Variants in GFPT2 observed in about 807,000 individuals in gnomAD.
The protein encoded by GFPT2 is glutamine--fructose-6-phosphate aminotransferase [isomerizing] 2.
GFPT2 carries 62 observed loss-of-function variants against 85.6 expected under a neutral mutation model. The ratio of observed to expected loss-of-function variants is 0.72; its 90% CI spans 0.59 to 0.90. The LOEUF (loss-of-function observed/expected upper bound fraction) is 0.90. Ranked by LOEUF, GFPT2 falls within the 40% of genes least tolerant of loss-of-function variation. GFPT2 has a pLI of 0.00. For synonymous variants in GFPT2, 368 were observed against 344.5 expected, an observed-to-expected ratio of 1.07 and a Z score of -0.75; for missense variants, 788 against 893.4, an observed-to-expected ratio of 0.88 and a Z score of 1.50.
At position 180,318,885 on chromosome 5, in the gene GFPT2, T is replaced by C; in HGVS notation, c.866A>G (p.Lys289Arg). Residue 289 changes from lysine (K) to arginine (R), a missense_variant, in exon 10 of 19, where the codon AAA (lysine) becomes AGA (arginine). Coordinates refer to ENST00000253778, the MANE Select transcript of GFPT2 (RefSeq NM_005110.4). This position sits in a 1 kb window ranked among gnomAD's most constrained non-coding sequence, Gnocchi z 4.2. ...GCGCTTGACCCGGTGAATGGAGAGT[T>C]TCCCATCAGCCACTGCGGCGATGTC... ...DDDIAAVADG[K>R]LSIHRVKRSA... The C allele has an allele frequency of 6.2e-7, 1 of 1,613,942 alleles. No individual in the cohort carries two copies. Among genetic ancestry groups the C allele is most frequent in the South Asian group, 1.1e-5 (1 of 91,076 alleles).
chr5:180,352,409 C>G (rs1352329361), intron 1 of GFPT2: 3 of 455,248 alleles, frequency 6.6e-6, no homozygotes, highest in African/African-American at 6.0e-5. Context: ...CTCTCCCGGC[C>G]AGCGGAGGCG....
Position 180,318,657 on chromosome 5 carries a change from TA to T in GFPT2, c.958+135del, listed in dbSNP as rs1764059034. Reference sequence around the variant, plus strand: ...CCCCTCACCTGTGCAAGCCACAGGCTACCTGCAGCCCCGCCCTGGTGGCCAC... The same window carrying T: ...CCCCTCACCTGTGCAAGCCACAGGCTCCTGCAGCCCCGCCCTGGTGGCCAC... On this transcript the variant is annotated intron_variant, in intron 10 of 18. Coordinates refer to ENST00000253778, the MANE Select transcript of GFPT2 (RefSeq NM_005110.4). The surrounding 1 kb of genome is among the most constrained non-coding windows in gnomAD (Gnocchi z 4.2). 9.7e-5 allele frequency: 70 copies of T among 724,486 alleles called. No individual in the cohort carries two copies. The South Asian group carries it at 1.2e-3, about 13-fold the overall frequency. 44.9% of individuals were successfully genotyped at this position (724,486 alleles called of 1,614,324 possible).
chr5:180,313,463 G>A lies in GFPT2; in HGVS notation c.1431+344C>T, dbSNP rs1329099962. Among the ~76,000 whole-genome samples, 11 of 141,234 alleles carry A rather than the reference G, an allele frequency of 7.8e-5. 1 individual carries two copies. The Middle Eastern group carries it at 0.011, about 145-fold the overall frequency. 92.7% of individuals were successfully genotyped at this position (141,234 alleles called of 152,430 possible). ...AAAATGAGCCGGGTGTGGGGCGGGT[G>A]CCTGTAGTCCCAGCTACTCGGGAGG... is the stretch of plus-strand genomic sequence containing the variant. On this transcript the variant is annotated intron_variant, in intron 14 of 18. Coordinates refer to ENST00000253778, the MANE Select transcript of GFPT2 (RefSeq NM_005110.4).
At chr5:180,336,439 C>A in intron 3 of GFPT2, 40 bp downstream of exon 3, 1 of 1,070,918 alleles carries the variant, frequency 9.3e-7, no homozygotes, top group Admixed American at 1.8e-5. Flanking sequence ...AAGCGGCCGG[C>A]GCTGCAGCGG....
In GFPT2 at chr5:180,339,929, G is replaced by A. The variant is rs530069402; in HGVS notation, c.8-1329C>T. On this transcript the variant is annotated intron_variant, in intron 1 of 18. Transcript: ENST00000253778. ...TCTGTATCCCTGGAGGGAGGCAATA[G>A]TATGGGTCATAGAAATGTCACTGGG... Among the ~76,000 whole-genome samples, 13 of 152,372 alleles carry A rather than the reference G, an allele frequency of 8.5e-5. 1 individual carries two copies. The South Asian group carries it at 2.7e-3, about 32-fold the overall frequency.
intron 1 of GFPT2, among the ~76,000 whole-genome samples, chr5:180,342,664 G>A (rs1446528153): frequency 6.6e-6 from 1 of 152,164 alleles, no homozygotes. Context: ...CGCTTTGGGA[G>A]GCCAAGCTGG....
At chr5:180,321,797 G>T (rs916606902) in intron 9 of GFPT2, among the ~76,000 whole-genome samples, 1 of 151,390 alleles carries the variant, frequency 6.6e-6, no homozygotes, top group Admixed American at 6.6e-5. Flanking sequence ...GTTTTGTTTT[G>T]TTTTGAGACG....
intron 4 of GFPT2, among the ~76,000 whole-genome samples, chr5:180,334,133 T>A (rs892722950): frequency 2.0e-5 from 3 of 152,218 alleles, no homozygotes; most frequent in African/African-American, 7.2e-5. Context: ...AAATGCCCTA[T>A]GGTTCAGGGC....
In GFPT2 at chr5:180,328,223, A is replaced by G. The variant is rs1429719839; in HGVS notation, c.596+54T>C. 3.8e-6 allele frequency: 5 copies of G among 1,316,386 alleles called. No individual in the cohort carries two copies. Among genetic ancestry groups the G allele is most frequent in the Non-Finnish European group, 5.5e-6 (5 of 908,336 alleles). The allele number at this position is 1,316,386 out of a possible 1,614,324, so 81.5% of individuals were successfully genotyped here. ...TACCTCTCCCGTCTCCCTCCAGCTA[A>G]GTGATTTTATTTTCGTTCTTTCTTA... is the stretch of plus-strand genomic sequence containing the variant. On this transcript the variant is annotated intron_variant, in intron 7 of 18. Transcript: ENST00000253778. The surrounding 1 kb of genome is among the most constrained non-coding windows in gnomAD (Gnocchi z 5.4).
chr5:180,326,136 C>T (rs1380072273), intron 7 of GFPT2, among the ~76,000 whole-genome samples: 1 of 152,194 alleles, frequency 6.6e-6, no homozygotes, highest in African/African-American at 2.4e-5. Flanking sequence ...CAAATAAAAT[C>T]TACCATAGGT....
intron 4 of GFPT2, among the ~76,000 whole-genome samples, chr5:180,335,288 C>T (rs896930677): frequency 2.0e-5 from 3 of 152,236 alleles, no homozygotes; most frequent in African/African-American, 7.2e-5. Flanking sequence ...GGGCTGCGGC[C>T]CCTACTTCTC....
chr5:180,312,858 C>T (rs537704872), intron 14 of GFPT2, among the ~76,000 whole-genome samples: 3 of 152,152 alleles, frequency 2.0e-5, no homozygotes, highest in Non-Finnish European at 4.4e-5. Context: ...CTCACTGCAA[C>T]CTCCACCTAC....
chr5:180,346,519 CCT>C (rs1462579234), intron 1 of GFPT2, among the ~76,000 whole-genome samples: 4 of 152,322 alleles, frequency 2.6e-5, no homozygotes, highest in Admixed American at 1.3e-4. Flanking sequence ...CAGCTACATC[CCT>C]CTCTCGTCTT....
chr5:180,348,200 T>C (rs1764647303), intron 1 of GFPT2, among the ~76,000 whole-genome samples: 1 of 152,226 alleles, frequency 6.6e-6, no homozygotes, highest in Non-Finnish European at 1.5e-5. Context: ...CTGGATTACT[T>C]CCTGCCTCAA....
chr5:180,328,241 C>T lies in GFPT2; in HGVS notation c.596+36G>A. 1 of 1,519,488 alleles carries T rather than the reference C, an allele frequency of 6.6e-7. No homozygotes were observed. The highest frequency in any genetic ancestry group is 1.1e-5 in the South Asian group (1 of 89,162). The allele number at this position is 1,519,488 out of a possible 1,614,324, so 94.1% of individuals were successfully genotyped here. ...CCAGCTAAGTGATTTTATTTTCGTT[C>T]TTTCTTATGGGAAATGCCAGTGTGT... On this transcript the variant is annotated intron_variant, in intron 7 of 18. Coordinates refer to ENST00000253778, the MANE Select transcript of GFPT2 (RefSeq NM_005110.4). This position sits in a 1 kb window ranked among gnomAD's most constrained non-coding sequence, Gnocchi z 5.4.
At chr5:180,348,035 T>A (rs1007752880) in intron 1 of GFPT2, among the ~76,000 whole-genome samples, 1 of 152,036 alleles carries the variant, frequency 6.6e-6, no homozygotes, top group African/African-American at 2.4e-5. Flanking sequence ...ACAGGACAGG[T>A]TGGCTCTGGA....
chr5:180,328,290 C>T lies in GFPT2; in HGVS notation c.583G>A (p.Ala195Thr), dbSNP rs1454304296. The change falls in exon 7 of 19, where the codon GCC becomes ACC. Residue 195 changes from alanine (A) to threonine (T), a missense_variant. Transcript: ENST00000253778. The surrounding 1 kb of genome is among the most constrained non-coding windows in gnomAD (Gnocchi z 5.4). ...VFKSVHYPGE[A>T]VATRRGSPLL... ...GTTTTGCCTCACCGTGTGGCAACGG[C>T]TTCTCCTGGGTAGTGGACACTCTTG... The T allele has an allele frequency of 6.2e-7, 1 of 1,612,266 alleles. No individual in the cohort carries two copies. Among genetic ancestry groups the T allele is most frequent in the East Asian group, 2.2e-5 (1 of 44,862 alleles).
intron 15 of GFPT2, among the ~76,000 whole-genome samples, chr5:180,310,233 G>C (rs957652200): frequency 5.9e-5 from 9 of 151,712 alleles, no homozygotes; most frequent in African/African-American, 2.2e-4. Flanking sequence ...CTCCCAAGTA[G>C]CTGGGATTAC....
At position 180,302,379 on chromosome 5, in the gene GFPT2, T is replaced by C. The variant is rs1453908093; in HGVS notation, c.2004+44A>G. 2.0e-6 allele frequency: 3 copies of C among 1,487,870 alleles called. No individual in the cohort carries two copies. In the African/African-American group the frequency reaches 4.1e-5, roughly 21 times the overall value. 92.2% of individuals were successfully genotyped at this position (1,487,870 alleles called of 1,614,324 possible). On this transcript the variant is annotated intron_variant, in intron 18 of 18. Coordinates refer to ENST00000253778, the MANE Select transcript of GFPT2 (RefSeq NM_005110.4). ...TAAAGAACAGAAAGGAACTCTGGGG[T>C]TATGTCTCTCCTCTCTGCTGTTAGG...
Sources: allele counts gnomAD v4.1 joint callset (sites outside exome capture counted in the v4.1 genomes callset), GRCh38; gene constraint gnomAD v4.1.1; non-coding constraint Gnocchi (gnomAD v3.1); transcripts MANE v1.5; gene names NCBI Gene and HGNC (gene_info 2026-07-23, HGNC 2026-07-21).